Variants in MGST1 observed in about 807,000 individuals in gnomAD.
The protein encoded by MGST1 is glutathione S-transferase 12.
In MGST1, 5 loss-of-function variants were observed where a neutral mutation model predicts 8.9. The observed-to-expected ratio is 0.56, with a 90% CI of 0.29 to 1.19. The LOEUF (loss-of-function observed/expected upper bound fraction) is 1.19, where lower values mean the gene tolerates loss of function less well. Among genes scored for constraint, MGST1 ranks in the 50% most tolerant of loss-of-function variants. The pLI is 0.08. For missense variants in MGST1, 182 were observed against 187.4 expected, an observed-to-expected ratio of 0.97 and a Z score of 0.17; for synonymous variants, 54 against 67.8, an observed-to-expected ratio of 0.80 and a Z score of 1.00.
chr12:16,436,038 G>A (rs1940983108), intron 1 of MGST1, among the ~76,000 whole-genome samples: 1 of 151,384 alleles, frequency 6.6e-6, no homozygotes, highest in South Asian at 2.1e-4. Context: ...TGGACCTGAT[G>A]GTTTCTTGGC....
chr12:16,487,626 A>G lies in MGST1; in HGVS notation n.483-101902A>G, dbSNP rs574787568. 4.2e-4 allele frequency among the ~76,000 whole-genome samples: 64 copies of G among 152,280 alleles called. No individual in the cohort carries two copies. The South Asian group carries it at 5.0e-3, about 12-fold the overall frequency. On this transcript the variant is annotated intron_variant and non_coding_transcript_variant, in intron 4 of 4. Transcript: ENST00000538857. ...CTAGGAACACTACCAGAGAAATAAT[A>G]TCTATATCTTCTAGATCAAGTGATA...
At chr12:16,360,344 A>G in intron 3 of MGST1, 1 of 985,374 alleles carries the variant, frequency 1.0e-6, no homozygotes, top group Non-Finnish European at 1.2e-6. Flanking sequence ...CGGCAGAGCC[A>G]GAATGGGGCT....
intron 1 of MGST1, among the ~76,000 whole-genome samples, chr12:16,415,120 G>T (rs1295616931): frequency 6.6e-6 from 1 of 152,078 alleles, no homozygotes. Context: ...AGCCACATTT[G>T]CATTTCATAG....
At chr12:16,571,950 G>A (rs1942825591) in intron 4 of MGST1, among the ~76,000 whole-genome samples, 1 of 151,784 alleles carries the variant, frequency 6.6e-6, no homozygotes, top group African/African-American at 2.4e-5. Flanking sequence ...TCCTTAAAAG[G>A]ATTTTTGCAT....
At chr12:16,468,397 C>T (rs1454110200) in intron 4 of MGST1, among the ~76,000 whole-genome samples, 2 of 152,130 alleles carry the variant, frequency 1.3e-5, no homozygotes, top group East Asian at 1.9e-4. Context: ...TATCGGGTCT[C>T]GTTGTTGGAT....
Position 16,574,743 on chromosome 12 carries a change from A to T in MGST1, n.483-14785A>T, listed in dbSNP as rs957165064. ...GGATTTATCGGCCATTAGAAAAGAA[A>T]GTCTTCTATAAATCTGTAATAGAAA... On this transcript the variant is annotated intron_variant and non_coding_transcript_variant, in intron 4 of 4. Coordinates refer to the MGST1 transcript ENST00000538857. Among the ~76,000 whole-genome samples, 6 of 152,348 alleles carry T rather than the reference A, an allele frequency of 3.9e-5. No homozygotes were observed. The East Asian group carries it at 1.2e-3, about 29-fold the overall frequency.
chr12:16,391,083 C>A (rs1374959064), intron 1 of MGST1, among the ~76,000 whole-genome samples: 1 of 149,858 alleles, frequency 6.7e-6, no homozygotes, highest in African/African-American at 2.4e-5. Flanking sequence ...TTTTCATATG[C>A]TTGTTGGCCA....
At chr12:16,534,366 T>G (rs1941741644) in intron 4 of MGST1, among the ~76,000 whole-genome samples, 1 of 152,178 alleles carries the variant, frequency 6.6e-6, no homozygotes, top group Non-Finnish European at 1.5e-5. Context: ...ATAATGGGCA[T>G]TTTCCTCCTC....
rs1288112217 is a variant in MGST1, at chr12:16,362,283, G to A, written c.222-1512G>A. Among the ~76,000 whole-genome samples, 1 of 152,108 alleles carries A rather than the reference G, an allele frequency of 6.6e-6. No individual in the cohort carries two copies. Among genetic ancestry groups the A allele is most frequent in the East Asian group, 1.9e-4 (1 of 5,174 alleles). ...TTGCTCCATGAAAGAGAGGGCACAGGAACACTCACACCATCCTCTCTTTGC... is the reference window on the plus strand; with the variant it reads ...TTGCTCCATGAAAGAGAGGGCACAGAAACACTCACACCATCCTCTCTTTGC... On this transcript the variant is annotated intron_variant, in intron 3 of 3. Coordinates refer to ENST00000396210, the MANE Select transcript of MGST1 (RefSeq NM_020300.5). This position sits in a 1 kb window ranked among gnomAD's most constrained non-coding sequence, Gnocchi z 4.4.
chr12:16,519,936 G>C (rs1941638081), intron 4 of MGST1, among the ~76,000 whole-genome samples: 1 of 152,130 alleles, frequency 6.6e-6, no homozygotes, highest in South Asian at 2.1e-4. Flanking sequence ...ATTTCATGTG[G>C]TACAATCAGA....
chr12:16,367,138 T>G (rs910891187), downstream of MGST1, among the ~76,000 whole-genome samples: 1 of 152,186 alleles, frequency 6.6e-6, no homozygotes, highest in Non-Finnish European at 1.5e-5. Context: ...AAAAATTCTA[T>G]TTACTCTGGA....
chr12:16,434,723 G>A (rs1406615249), intron 1 of MGST1, among the ~76,000 whole-genome samples: 1 of 151,444 alleles, frequency 6.6e-6, no homozygotes, highest in Non-Finnish European at 1.5e-5. Context: ...TGTTTTTGGA[G>A]CATTCAGTTC....
Position 16,500,086 on chromosome 12 carries a change from T to A in MGST1, n.483-89442T>A, listed in dbSNP as rs1024307101. Among the ~76,000 whole-genome samples the A allele has an allele frequency of 1.2e-4, 19 of 152,202 alleles. No individual in the cohort carries two copies. Among genetic ancestry groups the A allele is most frequent in the Admixed American group, 9.8e-4 (15 of 15,266 alleles). On this transcript the variant is annotated intron_variant and non_coding_transcript_variant, in intron 4 of 4. Transcript: ENST00000538857. This position sits in a 1 kb window ranked among gnomAD's most constrained non-coding sequence, Gnocchi z 4.3. Reference sequence around the variant, plus strand: ...CATAAGTATGTTTAAACTTTAGATATTTGTCAACAATTAATTATTTCTTAA... The same window carrying A: ...CATAAGTATGTTTAAACTTTAGATAATTGTCAACAATTAATTATTTCTTAA...
intron 4 of MGST1, among the ~76,000 whole-genome samples, chr12:16,516,795 C>T (rs1941618163): frequency 6.6e-6 from 1 of 151,884 alleles, no homozygotes; most frequent in Non-Finnish European, 1.5e-5. Flanking sequence ...TATGGCAAAC[C>T]CACTGACTAT....
chr12:16,380,876 T>C (rs1359416109), downstream of MGST1, among the ~76,000 whole-genome samples: 2 of 152,206 alleles, frequency 1.3e-5, no homozygotes, highest in Non-Finnish European at 2.9e-5. Flanking sequence ...CTTGTTGAAT[T>C]GATCCCTTTA....
At chr12:16,396,201 A>G (rs1940604049) in intron 1 of MGST1, among the ~76,000 whole-genome samples, 1 of 152,128 alleles carries the variant, frequency 6.6e-6, no homozygotes, top group South Asian at 2.1e-4. Context: ...TCATCTCAAT[A>G]GATGCAGAAA....
intron 4 of MGST1, among the ~76,000 whole-genome samples, chr12:16,472,883 C>T (rs866847375): frequency 2.0e-5 from 3 of 152,264 alleles, no homozygotes; most frequent in Middle Eastern, 6.8e-3. Context: ...AGAATTTTAA[C>T]TTTGAGCCAA....
intron 1 of MGST1, among the ~76,000 whole-genome samples, chr12:16,392,858 T>C (rs924513840): frequency 1.3e-5 from 2 of 152,184 alleles, no homozygotes; most frequent in South Asian, 4.1e-4. Context: ...TATATAACTG[T>C]CTATATCTAT....
intron 4 of MGST1, among the ~76,000 whole-genome samples, chr12:16,566,037 TA>T (rs1942597066): frequency 1.2e-5 from 1 of 86,166 alleles, no homozygotes; most frequent in African/African-American, 4.6e-5. Flanking sequence ...TATATATATA[TA>T]TAAAATGGAG....
Sources: allele counts gnomAD v4.1 joint callset (sites outside exome capture counted in the v4.1 genomes callset), GRCh38; gene constraint gnomAD v4.1.1; non-coding constraint Gnocchi (gnomAD v3.1); transcripts MANE v1.5; gene names NCBI Gene and HGNC (gene_info 2026-07-23, HGNC 2026-07-21).